CDH23: variants seen among roughly 807,000 people sequenced by gnomAD.
CDH23 encodes cadherin-23.
Under a neutral mutation model 317.1 loss-of-function variants are expected in CDH23, and 189 were observed. The observed-to-expected ratio is 0.60, with a 90% CI of 0.53 to 0.67. CDH23 has a LOEUF of 0.67. CDH23 is among the 30% of genes least tolerant of loss of function. The pLI is 0.00. For missense variants in CDH23, 4,401 were observed against 4,592.4 expected (o/e 0.96, Z 1.20); for synonymous variants, 1,839 against 1,876.8 (o/e 0.98, Z 0.52).
At chr10:71,652,003 T>C (rs1863198206) in intron 14 of CDH23, among the ~76,000 whole-genome samples, 1 of 152,206 alleles carries the variant, frequency 6.6e-6, no homozygotes, top group African/African-American at 2.4e-5. Context: ...CTATCCCTGC[T>C]GCAGGGGGTG....
chr10:71,507,372 A>C (rs1045780116), intron 3 of CDH23, among the ~76,000 whole-genome samples: 1 of 152,334 alleles, frequency 6.6e-6, no homozygotes, highest in East Asian at 1.9e-4. Flanking sequence ...ATGGCTTTAG[A>C]TTATATCTTT....
intron 3 of CDH23, among the ~76,000 whole-genome samples, chr10:71,468,344 T>C (rs977783512): frequency 1.3e-4 from 20 of 152,298 alleles, no homozygotes; most frequent in African/African-American, 4.1e-4. Context: ...CTTTGAAGCA[T>C]TGCTCTCTTG....
chr10:71,733,320 A>G (rs1246861641), intron 32 of CDH23, among the ~76,000 whole-genome samples: 2 of 152,208 alleles, frequency 1.3e-5, no homozygotes, highest in East Asian at 3.8e-4. Flanking sequence ...GCAGACTGCA[A>G]GCTCTCTGTA....
intron 28 of CDH23, among the ~76,000 whole-genome samples, chr10:71,718,954 T>C (rs989432400): frequency 3.9e-5 from 6 of 152,054 alleles, no homozygotes; most frequent in Non-Finnish European, 7.4e-5. Flanking sequence ...AGTATGTGCC[T>C]GTGGCCCCAG....
intron 45 of CDH23, 50 bp from the exon 46 acceptor site, chr10:71,790,238 G>A: frequency 6.2e-7 from 1 of 1,603,548 alleles, no homozygotes; most frequent in East Asian, 2.2e-5. Context: ...GGAGGTGGGA[G>A]GGCAGGGGGC....
At chr10:71,726,740 G>A (rs1866828966) in intron 30 of CDH23, among the ~76,000 whole-genome samples, 1 of 152,206 alleles carries the variant, frequency 6.6e-6, no homozygotes, top group Admixed American at 6.5e-5. Context: ...CTACTTCAGG[G>A]CACAGAGTGA....
At chr10:71,519,564 C>A (rs1280585273) in intron 6 of CDH23, among the ~76,000 whole-genome samples, 1 of 152,214 alleles carries the variant, frequency 6.6e-6, no homozygotes, top group East Asian at 1.9e-4. Context: ...GGGGACCAGA[C>A]TTCAACTGCA....
chr10:71,797,614 C>T (rs184584249), intron 49 of CDH23, among the ~76,000 whole-genome samples: 105 of 152,280 alleles, frequency 6.9e-4, no homozygotes, highest in African/African-American at 2.5e-3. Flanking sequence ...TTATAGGAAG[C>T]CACAGGGTTA....
chr10:71,569,343 G>T (rs10999884), intron 7 of CDH23, among the ~76,000 whole-genome samples: 2 of 152,178 alleles, frequency 1.3e-5, no homozygotes, highest in African/African-American at 2.4e-5. Context: ...GAGGCACCAG[G>T]CTTCTTGGAA....
At chr10:71,456,541 C>A (rs190625611) in intron 3 of CDH23, among the ~76,000 whole-genome samples, 3 of 151,924 alleles carry the variant, frequency 2.0e-5, no homozygotes, top group Non-Finnish European at 4.4e-5. Flanking sequence ...GGGTATGGGG[C>A]GGGGCTGGTG....
At chr10:71,712,549 C>A in intron 27 of CDH23, 116 bp from the exon 28 acceptor site, 3 of 1,170,170 alleles carry the variant, frequency 2.6e-6, no homozygotes, top group Middle Eastern at 2.0e-4. Flanking sequence ...AAGGCTAGGG[C>A]AGATGGGGCG....
At chr10:71,716,083 G>A (rs1187479231) in intron 28 of CDH23, 1 of 1,526,606 alleles carries the variant, frequency 6.6e-7, no homozygotes. Flanking sequence ...GCCGGAGCTG[G>A]GGCTCACTGG....
intron 11 of CDH23, among the ~76,000 whole-genome samples, chr10:71,618,058 C>T (rs112958486): frequency 1.5e-4 from 23 of 152,282 alleles, no homozygotes; most frequent in Admixed American, 2.0e-4. Flanking sequence ...TCATCTGCTG[C>T]CCTCTTTGGG....
chr10:71,450,833 G>A (rs1850405071), intron 3 of CDH23, among the ~76,000 whole-genome samples: 1 of 152,016 alleles, frequency 6.6e-6, no homozygotes, highest in Non-Finnish European at 1.5e-5. Flanking sequence ...CTCCTGGCTT[G>A]GACACTACCT....
At chr10:71,422,383 G>A (rs1848857528) in intron 1 of CDH23, among the ~76,000 whole-genome samples, 1 of 152,194 alleles carries the variant, frequency 6.6e-6, no homozygotes, top group Admixed American at 6.5e-5. Context: ...CTCTTCCTGA[G>A]TCCCCATTTC....
At chr10:71,525,755 C>T (rs563273384) in intron 6 of CDH23, among the ~76,000 whole-genome samples, 13 of 152,292 alleles carry the variant, frequency 8.5e-5, no homozygotes, top group South Asian at 8.3e-4. Context: ...CCTGAGCATC[C>T]GTGACCCTCC....
At position 71,778,244 on chromosome 10, in the gene CDH23, C is replaced by T; in HGVS notation, c.5123C>T (p.Thr1708Ile). Residue 1708 changes from threonine to isoleucine, a missense_variant, in exon 40 of 70, where the codon ACC becomes ATC. Transcript: ENST00000224721. Reference protein sequence around the residue: ...LDYEISHGRYTLIVTATDQCP... With the variant: ...LDYEISHGRYILIVTATDQCP... ...TACGAGATCAGCCACGGCCGCTACA[C>T]CCTGATCGTCACTGCCACAGACCAG... 1 of 1,613,930 alleles carries T rather than the reference C, an allele frequency of 6.2e-7. No individual in the cohort carries two copies. Among genetic ancestry groups the T allele is most frequent in the Non-Finnish European group, 8.5e-7 (1 of 1,179,852 alleles).
At chr10:71,402,103 T>C (rs1446382272) in intron 1 of CDH23, among the ~76,000 whole-genome samples, 1 of 152,216 alleles carries the variant, frequency 6.6e-6, no homozygotes, top group South Asian at 2.1e-4. Context: ...GGGCCGCTGC[T>C]GCCGCCCACA....
chr10:71,785,656 C>T lies in CDH23; in HGVS notation c.5738C>T (p.Pro1913Leu), dbSNP rs1410020265. 6.2e-7 allele frequency: 1 copy of T among 1,605,402 alleles called. No homozygotes were observed. Residue 1913 changes from proline (P) to leucine (L), a missense_variant, in exon 44 of 70, where the codon CCC becomes CTC. By Grantham distance (98) the Pro-to-Leu change is moderately conservative. Around this residue, in one of 3 missense-constraint regions of CDH23, gnomAD observed 3,068 missense variants for 3,203.3 expected, o/e 0.96. Transcript: ENST00000224721. ...ATTGIVTVNR[P>L]LDRERIPEYK... The stretch of plus-strand genomic sequence containing the variant: ...ACAGGGATCGTCACTGTGAACCGGC[C>T]CCTGGACCGCGAGCGGATCCCAGAG...
Sources: allele counts gnomAD v4.1 joint callset (sites outside exome capture counted in the v4.1 genomes callset), GRCh38; gene constraint gnomAD v4.1.1; regional missense constraint gnomAD v4.1.1; transcripts MANE v1.5; gene names NCBI Gene and HGNC (gene_info 2026-07-23, HGNC 2026-07-21).